Variants in MAD1L1 observed in about 807,000 individuals in gnomAD.
MAD1L1 encodes mitotic arrest deficient 1 like 1.
MAD1L1 carries 95 observed loss-of-function variants against 96.9 expected under a neutral mutation model. That is an observed-to-expected ratio of 0.98 (90% CI 0.83 to 1.16). MAD1L1 has a LOEUF of 1.16. Among genes scored for constraint, MAD1L1 ranks in the 50% most tolerant of loss-of-function variants. The pLI, the probability that MAD1L1 is intolerant of heterozygous loss-of-function variation, is 0.00. For missense variants in MAD1L1, 1,007 were observed against 954.4 expected, an observed-to-expected ratio of 1.06 and a Z score of -0.73; for synonymous variants, 473 against 396.6, an observed-to-expected ratio of 1.19 and a Z score of -2.29.
chr7:2,211,214 G>A (rs1792928885), intron 10 of MAD1L1, among the ~76,000 whole-genome samples: 1 of 152,152 alleles, frequency 6.6e-6, no homozygotes, highest in East Asian at 1.9e-4. Context: ...TCCAGGGCCT[G>A]GCCACCAGGG....
chr7:2,055,097 C>T (rs1000199319), intron 12 of MAD1L1, among the ~76,000 whole-genome samples: 4 of 152,180 alleles, frequency 2.6e-5, no homozygotes, highest in African/African-American at 7.2e-5. Flanking sequence ...ACAGAGGAAG[C>T]GGGGCCAAGC....
In MAD1L1 at chr7:1,987,593, A is replaced by G. The variant is rs942980785; in HGVS notation, c.1417-7052T>C. 5.3e-5 allele frequency among the ~76,000 whole-genome samples: 8 copies of G among 151,678 alleles called. No individual in the cohort carries two copies. The South Asian group carries it at 1.7e-3, about 32-fold the overall frequency. On this transcript the variant is annotated intron_variant, in intron 14 of 18. Coordinates refer to ENST00000265854, the MANE Select transcript of MAD1L1 (RefSeq NM_001013836.2). The stretch of plus-strand genomic sequence containing the variant: ...GGAGGGGGGGAGAGGCAGGTGGGGG[A>G]AGAGCAAATGCGAGGATGGTCCCGG...
chr7:2,159,730 T>G (rs1790011284), intron 10 of MAD1L1, among the ~76,000 whole-genome samples: 1 of 152,186 alleles, frequency 6.6e-6, no homozygotes, highest in Non-Finnish European at 1.5e-5. Flanking sequence ...GATTAAAAGT[T>G]CGGTATAACA....
intron 13 of MAD1L1, among the ~76,000 whole-genome samples, chr7:2,004,091 G>C (rs550719741): frequency 1.3e-5 from 2 of 152,282 alleles, no homozygotes; most frequent in African/African-American, 4.8e-5. Flanking sequence ...CACATGGGAG[G>C]CAGCTGCAGT....
At chr7:1,959,822 G>T (rs1779877614) in intron 15 of MAD1L1, among the ~76,000 whole-genome samples, 1 of 151,788 alleles carries the variant, frequency 6.6e-6, no homozygotes, top group Non-Finnish European at 1.5e-5. Flanking sequence ...GAGGACGAGG[G>T]CGGGGCGGGG....
chr7:2,226,505 A>G (rs960964697), intron 3 of MAD1L1, among the ~76,000 whole-genome samples: 30 of 152,232 alleles, frequency 2.0e-4, no homozygotes, highest in African/African-American at 7.2e-4. Flanking sequence ...ATTACAGGTT[A>G]GCTGAGCCTC....
chr7:2,202,974 G>A (rs916220677), intron 10 of MAD1L1, among the ~76,000 whole-genome samples: 15 of 152,320 alleles, frequency 9.8e-5, no homozygotes, highest in African/African-American at 3.1e-4. Context: ...CAGGGGATGG[G>A]TCAGCAGTTC....
chr7:2,155,703 G>A (rs746825884), intron 10 of MAD1L1, among the ~76,000 whole-genome samples: 7 of 152,194 alleles, frequency 4.6e-5, no homozygotes, highest in Non-Finnish European at 7.3e-5. Context: ...CCACTCACCC[G>A]TCGGTGGACA....
intron 18 of MAD1L1, chr7:1,845,832 A>G (rs775816973): frequency 3.9e-5 from 6 of 152,604 alleles, no homozygotes; most frequent in Non-Finnish European, 4.4e-5. Flanking sequence ...GCTCTTGGGC[A>G]TTCAGAGCCA....
At chr7:2,093,992 CA>C (rs909694372) in intron 11 of MAD1L1, among the ~76,000 whole-genome samples, 2 of 152,236 alleles carry the variant, frequency 1.3e-5, no homozygotes, top group African/African-American at 4.8e-5. Flanking sequence ...AGCATCCACA[CA>C]GAGCTCTCAG....
chr7:2,222,562 A>T lies in MAD1L1; in HGVS notation c.471+13T>A, dbSNP rs1295167793. On this transcript the variant is annotated intron_variant, in intron 5 of 18. Transcript: ENST00000265854. ...GGGAAAACAGCTCCCTGCGCAGCAG[A>T]GGCCCCGCTCACCTCGCCAGCCTGG... is the stretch of plus-strand genomic sequence containing the variant. 1.3e-6 allele frequency: 2 copies of T among 1,570,280 alleles called. No homozygotes were observed. The highest frequency in any genetic ancestry group is 3.6e-5 in the Admixed American group (2 of 54,864).
intron 18 of MAD1L1, among the ~76,000 whole-genome samples, chr7:1,855,286 G>A (rs552845026): frequency 1.9e-4 from 29 of 152,100 alleles, no homozygotes; most frequent in African/African-American, 5.3e-4. Flanking sequence ...AACGGTTGCG[G>A]GCCACACCCT....
intron 10 of MAD1L1, among the ~76,000 whole-genome samples, chr7:2,168,305 T>C (rs1399387886): frequency 1.3e-5 from 2 of 151,554 alleles, no homozygotes; most frequent in Non-Finnish European, 2.9e-5. Flanking sequence ...AAAAGAACAG[T>C]GAATTGAAAA....
chr7:1,914,128 C>G (rs946538049), intron 17 of MAD1L1, among the ~76,000 whole-genome samples: 7 of 152,204 alleles, frequency 4.6e-5, no homozygotes, highest in Admixed American at 2.6e-4. Flanking sequence ...CTCTGCCACA[C>G]GCCCTCACTG....
chr7:1,864,937 G>A (rs1023850889), intron 18 of MAD1L1, among the ~76,000 whole-genome samples: 5 of 152,158 alleles, frequency 3.3e-5, no homozygotes, highest in African/African-American at 4.8e-5. Context: ...ATCCTGTGTC[G>A]AATAAGCCTC....
intron 12 of MAD1L1, 106 bp downstream of exon 12, chr7:2,069,088 G>A: frequency 7.1e-7 from 1 of 1,408,818 alleles, no homozygotes; most frequent in Non-Finnish European, 9.3e-7. Context: ...TGCCAACCCT[G>A]ACCCGGCTGC....
At chr7:2,031,162 G>A (rs1219311166) in intron 12 of MAD1L1, among the ~76,000 whole-genome samples, 2 of 152,194 alleles carry the variant, frequency 1.3e-5, no homozygotes, top group Admixed American at 6.5e-5. Context: ...ACACCAGGCC[G>A]CTCAGAGAGG....
intron 11 of MAD1L1, among the ~76,000 whole-genome samples, chr7:2,132,589 T>A (rs1279068781): frequency 2.6e-5 from 4 of 152,234 alleles, no homozygotes; most frequent in African/African-American, 9.6e-5. Context: ...CCGATCTTTT[T>A]ACTGTGTCCA....
intron 18 of MAD1L1, among the ~76,000 whole-genome samples, chr7:1,855,823 G>A (rs1033136080): frequency 1.1e-4 from 16 of 152,044 alleles, no homozygotes; most frequent in South Asian, 2.1e-4. Flanking sequence ...AGAGGCTTTC[G>A]GGGTCTGTTA....
Sources: allele counts gnomAD v4.1 joint callset (sites outside exome capture counted in the v4.1 genomes callset), GRCh38; gene constraint gnomAD v4.1.1; transcripts MANE v1.5; gene names NCBI Gene and HGNC (gene_info 2026-07-23, HGNC 2026-07-21).